Variants in MALRD1 observed in about 807,000 individuals in gnomAD.
The protein encoded by MALRD1 is MAM and LDL-receptor class A domain-containing protein 1.
In MALRD1, 247 loss-of-function variants were observed where a neutral mutation model predicts 242.1. The ratio of observed to expected loss-of-function variants is 1.02; its 90% CI spans 0.92 to 1.13. The LOEUF (loss-of-function observed/expected upper bound fraction) is 1.13, where lower values mean the gene tolerates loss of function less well. MALRD1 is among the 50% of genes most tolerant of loss of function. The probability of loss-of-function intolerance (pLI) is 0.00; values close to 1 mark genes in which losing one functional copy is unlikely to be tolerated. For missense variants in MALRD1, 2,989 were observed against 2,533.1 expected (o/e 1.18, Z -3.86); for synonymous variants, 995 against 866.6 (o/e 1.15, Z -2.60).
Position 19,642,103 on chromosome 10 carries a change from A to G in MALRD1, c.6137+26180A>G, listed in dbSNP as rs369622933. On this transcript the variant is annotated intron_variant, in intron 36 of 39. Transcript: ENST00000454679. The stretch of plus-strand genomic sequence containing the variant: ...CAAACTAAATTTATTAAAAGTTCAT[A>G]ACATGCTTAGTTTCAAAGGGTTATA... 3.3e-5 allele frequency among the ~76,000 whole-genome samples: 5 copies of G among 152,288 alleles called. No homozygotes were observed. In the East Asian group the frequency reaches 9.6e-4, roughly 29 times the overall value.
intron 2 of MALRD1, among the ~76,000 whole-genome samples, chr10:19,075,129 A>C (rs1309237522): frequency 6.6e-6 from 1 of 151,948 alleles, no homozygotes; most frequent in Non-Finnish European, 1.5e-5. Flanking sequence ...AAGAGACTCA[A>C]ACTACTTTAG....
intron 36 of MALRD1, among the ~76,000 whole-genome samples, chr10:19,683,528 G>T (rs1842459097): frequency 6.6e-6 from 1 of 152,196 alleles, no homozygotes; most frequent in Non-Finnish European, 1.5e-5. Flanking sequence ...CTAGAAAGCA[G>T]CAGAGTCTAG....
chr10:19,707,743 G>T (rs1345900547), intron 38 of MALRD1, among the ~76,000 whole-genome samples: 2 of 111,130 alleles, frequency 1.8e-5, no homozygotes, highest in East Asian at 5.6e-4. Flanking sequence ...TAGGCCTGGA[G>T]TTCAAGACCA....
chr10:19,680,458 A>G (rs1253730405), intron 36 of MALRD1, among the ~76,000 whole-genome samples: 1 of 151,738 alleles, frequency 6.6e-6, no homozygotes, highest in Non-Finnish European at 1.5e-5. Context: ...TAGGATTGCA[A>G]CCCCTGCTTT....
At chr10:19,415,297 A>G (rs1191168842) in intron 28 of MALRD1, among the ~76,000 whole-genome samples, 2 of 152,178 alleles carry the variant, frequency 1.3e-5, no homozygotes, top group Non-Finnish European at 2.9e-5. Flanking sequence ...AGATTAGTAT[A>G]AGACTTGTAT....
At chr10:19,515,994 T>C (rs186023371) in intron 31 of MALRD1, among the ~76,000 whole-genome samples, 6 of 152,244 alleles carry the variant, frequency 3.9e-5, no homozygotes, top group Non-Finnish European at 2.9e-5. Context: ...GGATTACTTA[T>C]GAAGATGAGA....
chr10:19,294,217 A>G (rs1401875174), intron 21 of MALRD1, among the ~76,000 whole-genome samples: 2 of 152,196 alleles, frequency 1.3e-5, no homozygotes, highest in Non-Finnish European at 2.9e-5. Context: ...CACATTAAAA[A>G]GAAATAATTG....
chr10:19,344,029 G>A (rs1031185544), intron 24 of MALRD1, among the ~76,000 whole-genome samples: 2 of 151,934 alleles, frequency 1.3e-5, no homozygotes, highest in Admixed American at 1.3e-4. Flanking sequence ...GTTGAGTTTT[G>A]AGAGTTCTTT....
chr10:19,716,161 T>C (rs1344679665), intron 38 of MALRD1, among the ~76,000 whole-genome samples: 1 of 152,246 alleles, frequency 6.6e-6, no homozygotes, highest in Non-Finnish European at 1.5e-5. Context: ...TGTTGAAATA[T>C]ATTAAACACA....
chr10:19,608,008 A>G (rs1193570423), intron 35 of MALRD1, 106 bp downstream of exon 35: 6 of 1,377,876 alleles, frequency 4.4e-6, no homozygotes, highest in Non-Finnish European at 4.8e-6. Context: ...CAAGCATGGA[A>G]TAATTGAATT....
At chr10:19,426,076 T>TTTA (rs1345105010) in intron 28 of MALRD1, among the ~76,000 whole-genome samples, 3 of 152,194 alleles carry the variant, frequency 2.0e-5, no homozygotes, top group Non-Finnish European at 4.4e-5. Context: ...TTTAACAGTC[T>TTTA]TATTAATGAG....
chr10:19,497,425 C>A, intron 30 of MALRD1, among the ~76,000 whole-genome samples: 1 of 128,084 alleles, frequency 7.8e-6, no homozygotes, highest in Non-Finnish European at 1.6e-5. Context: ...TACATGAATA[C>A]AAGTGGTTGT....
intron 36 of MALRD1, among the ~76,000 whole-genome samples, chr10:19,679,685 C>G (rs1396617612): frequency 6.6e-6 from 1 of 151,892 alleles, no homozygotes; most frequent in East Asian, 1.9e-4. Flanking sequence ...TATTTCTTGT[C>G]TTCTGCTAGC....
At chr10:19,488,012 A>C (rs1837310767) in intron 29 of MALRD1, among the ~76,000 whole-genome samples, 1 of 152,086 alleles carries the variant, frequency 6.6e-6, no homozygotes, top group Admixed American at 6.5e-5. Flanking sequence ...AATTACCTCC[A>C]CCTCGGGTAC....
chr10:19,075,959 G>T (rs918790551), intron 2 of MALRD1, among the ~76,000 whole-genome samples: 2 of 151,926 alleles, frequency 1.3e-5, no homozygotes, highest in African/African-American at 4.8e-5. Flanking sequence ...TAAAATCTCC[G>T]TTTTACTAGG....
chr10:19,289,875 C>T (rs983881922), intron 21 of MALRD1, among the ~76,000 whole-genome samples: 1 of 152,074 alleles, frequency 6.6e-6, no homozygotes, highest in Non-Finnish European at 1.5e-5. Context: ...TCTGTCAATT[C>T]TTTCTTGTCT....
intron 29 of MALRD1, among the ~76,000 whole-genome samples, chr10:19,477,563 A>G (rs1836796805): frequency 6.6e-6 from 1 of 152,196 alleles, no homozygotes; most frequent in South Asian, 2.1e-4. Flanking sequence ...TCATTGTCTC[A>G]TGCCAGAGAA....
intron 18 of MALRD1, among the ~76,000 whole-genome samples, chr10:19,231,817 T>C (rs1588735871): frequency 6.6e-6 from 1 of 150,976 alleles, no homozygotes; most frequent in South Asian, 2.1e-4. Flanking sequence ...CCAAGTCGGA[T>C]CACCGAGTCC....
intron 14 of MALRD1, among the ~76,000 whole-genome samples, chr10:19,190,120 A>G (rs1211834831): frequency 2.0e-5 from 3 of 152,136 alleles, no homozygotes; most frequent in South Asian, 2.1e-4. Flanking sequence ...AACAAAATGT[A>G]AAGTTAAAAT....
Sources: gnomAD v4.1 joint callset for allele counts (sites outside exome capture counted in the v4.1 genomes callset) on GRCh38, gnomAD v4.1.1 for gene constraint, MANE v1.5 for transcripts, NCBI Gene and HGNC (gene_info 2026-07-23, HGNC 2026-07-21) for gene names.